Variants in USP32 observed in about 807,000 individuals in gnomAD.
The protein encoded by USP32 is ubiquitin specific peptidase 32, also known as ubiquitin carboxyl-terminal hydrolase 32.
A neutral mutation model predicts 204.8 loss-of-function variants in USP32; 59 were observed. The observed-to-expected ratio is 0.29, with a 90% CI of 0.23 to 0.36. The LOEUF is 0.36. Among genes scored for constraint, USP32 ranks in the 10% least tolerant of loss-of-function variants. USP32 has a pLI of 1.00. For missense variants in USP32, 1,160 were observed against 1,946.4 expected, an observed-to-expected ratio of 0.60 and a Z score of 7.60; for synonymous variants, 517 against 678.4, an observed-to-expected ratio of 0.76 and a Z score of 3.70.
intron 11 of USP32, among the ~76,000 whole-genome samples, chr17:60,237,466 T>A (rs1387287868): frequency 6.6e-6 from 1 of 152,156 alleles, no homozygotes; most frequent in Non-Finnish European, 1.5e-5. Context: ...GAAATTATTT[T>A]AAATCATACA....
chr17:60,280,089 GTTATTA>G (rs374214644), intron 5 of USP32, among the ~76,000 whole-genome samples: 2 of 151,458 alleles, frequency 1.3e-5, no homozygotes, highest in Admixed American at 6.6e-5. Flanking sequence ...AATTGAGTAA[GTTATTA>G]TTATTATTAT....
chr17:60,329,142 A>G (rs1246057319), intron 2 of USP32, among the ~76,000 whole-genome samples: 1 of 152,244 alleles, frequency 6.6e-6, no homozygotes, highest in Non-Finnish European at 1.5e-5. Flanking sequence ...GTAAATTAAT[A>G]TAACAAAAGA....
intron 2 of USP32, among the ~76,000 whole-genome samples, chr17:60,304,734 A>C (rs1347460951): frequency 1.3e-5 from 2 of 152,234 alleles, no homozygotes; most frequent in Non-Finnish European, 2.9e-5. Flanking sequence ...ACCAATTCAC[A>C]TGTGGTATAT....
intron 1 of USP32, among the ~76,000 whole-genome samples, chr17:60,403,884 T>TA (rs1321691596): frequency 6.6e-6 from 1 of 151,426 alleles, no homozygotes; most frequent in Admixed American, 6.6e-5. Context: ...TACAAAAAAT[T>TA]AAAAAATTAG....
At chr17:60,303,385 C>T (rs1038918590) in intron 2 of USP32, among the ~76,000 whole-genome samples, 1 of 152,004 alleles carries the variant, frequency 6.6e-6, no homozygotes, top group Admixed American at 6.6e-5. Flanking sequence ...CCCCTAATAT[C>T]CAGGGACACA....
chr17:60,415,553 A>G (rs1160952469), intron 1 of USP32, among the ~76,000 whole-genome samples: 4 of 152,182 alleles, frequency 2.6e-5, no homozygotes, highest in Non-Finnish European at 5.9e-5. Context: ...TTTGCATACA[A>G]TTCACTGGAT....
chr17:60,288,197 T>A (rs564159610), intron 5 of USP32, among the ~76,000 whole-genome samples: 1 of 150,596 alleles, frequency 6.6e-6, no homozygotes, highest in South Asian at 2.1e-4. Context: ...CTCAGGACTT[T>A]GGGAAACTGA....
chr17:60,242,695 C>G (rs1005874254), intron 11 of USP32, among the ~76,000 whole-genome samples: 3 of 152,200 alleles, frequency 2.0e-5, no homozygotes, highest in Non-Finnish European at 2.9e-5. Context: ...GCATGAGCCA[C>G]CACGCCTGGC....
At chr17:60,335,264 C>T (rs1007826338) in intron 2 of USP32, among the ~76,000 whole-genome samples, 3 of 142,624 alleles carry the variant, frequency 2.1e-5, no homozygotes, top group Admixed American at 1.4e-4. Flanking sequence ...CCACCACACC[C>T]GGCCCTCCAT....
intron 16 of USP32, 43 bp downstream of exon 16, chr17:60,219,627 C>T (rs772016924): frequency 9.7e-6 from 13 of 1,335,842 alleles, no homozygotes; most frequent in Admixed American, 2.0e-5. Context: ...TCTTAAGTTA[C>T]CTCTCGGTAA....
At chr17:60,185,420 GC>G (rs1361494166) in intron 30 of USP32, 39 bp downstream of exon 30, 4 of 1,506,210 alleles carry the variant, frequency 2.7e-6, no homozygotes, top group Non-Finnish European at 8.9e-7. Context: ...TTTCTTTTAT[GC>G]CAGATTCCTG....
chr17:60,367,225 G>A (rs1396313237), intron 1 of USP32, among the ~76,000 whole-genome samples: 1 of 152,204 alleles, frequency 6.6e-6, no homozygotes, highest in Non-Finnish European at 1.5e-5. Flanking sequence ...AAAATATTCA[G>A]AGGTCGGGAG....
intron 13 of USP32, among the ~76,000 whole-genome samples, chr17:60,224,889 A>AT (rs1185682573): frequency 6.6e-6 from 1 of 152,232 alleles, no homozygotes; most frequent in Non-Finnish European, 1.5e-5. Flanking sequence ...ATACCACAGC[A>AT]TCTTCCTTGT....
chr17:60,265,294 A>G (rs1267715306), intron 9 of USP32, 118 bp downstream of exon 9: 2 of 605,960 alleles, frequency 3.3e-6, no homozygotes, highest in Non-Finnish European at 5.6e-6. Context: ...CCACAGGTCC[A>G]GATAAGTACT....
At chr17:60,391,788 G>T in intron 1 of USP32, 94 bp downstream of exon 1, 1 of 1,371,526 alleles carries the variant, frequency 7.3e-7, no homozygotes, top group Non-Finnish European at 9.9e-7. Flanking sequence ...GGCGCCCCAC[G>T]CCCTCAATCT....
intron 12 of USP32, among the ~76,000 whole-genome samples, chr17:60,234,388 C>A (rs1362191723): frequency 2.7e-5 from 4 of 150,052 alleles, no homozygotes; most frequent in African/African-American, 9.8e-5. Flanking sequence ...GCTGGGATTA[C>A]AGGTGTGAGC....
At position 60,208,820 on chromosome 17, in the gene USP32, G is replaced by A. The variant is rs761883608; in HGVS notation, c.2607C>T (p.Asp869=). The A allele has an allele frequency of 2.5e-6, 4 of 1,581,588 alleles. No homozygotes were observed. The highest frequency in any genetic ancestry group is 4.6e-5 in the East Asian group (2 of 43,854). Residue 869 remains aspartate (D), a synonymous_variant, in exon 23 of 34, where the codon GAC becomes GAT. Coordinates refer to ENST00000300896, the MANE Select transcript of USP32 (RefSeq NM_032582.4). ...PDWEVAAEAW[D]NHLRRNRSIV... is the part of the protein sequence containing the mutation. ...TTGATCTATTTCTTCTTAGATGGTT[G>A]TCCCAGGCCTAGCAATAAAAAAGAT... is the stretch of plus-strand genomic sequence containing the variant.
At chr17:60,233,602 AG>A in intron 12 of USP32, among the ~76,000 whole-genome samples, 1 of 152,342 alleles carries the variant, frequency 6.6e-6, no homozygotes, top group East Asian at 1.9e-4. Flanking sequence ...TTTTTTAAAA[AG>A]GTTACTTGAA....
intron 1 of USP32, among the ~76,000 whole-genome samples, chr17:60,376,421 A>C (rs2089541573): frequency 6.6e-6 from 1 of 151,972 alleles, no homozygotes; most frequent in Non-Finnish European, 1.5e-5. Context: ...CTGATTTTTA[A>C]AAATAATAAA....
Sources: allele counts gnomAD v4.1 joint callset (sites outside exome capture counted in the v4.1 genomes callset), GRCh38; gene constraint gnomAD v4.1.1; transcripts MANE v1.5; gene names NCBI Gene and HGNC (gene_info 2026-07-23, HGNC 2026-07-21).